LHFPL3: variants seen among roughly 807,000 people sequenced by gnomAD.
The protein encoded by LHFPL3 is LHFPL tetraspan subfamily member 3, also known as LHFPL tetraspan subfamily member 3 protein.
LHFPL3 carries 5 observed loss-of-function variants against 19.3 expected under a neutral mutation model. The ratio of observed to expected loss-of-function variants is 0.26; its 90% confidence interval spans 0.14 to 0.54. The LOEUF is 0.54. Among genes scored for constraint, LHFPL3 ranks in the 20% least tolerant of loss-of-function variants. LHFPL3 has a pLI of 0.94. For missense variants in LHFPL3, 249 were observed against 307.4 expected (o/e 0.81, Z 1.42); for synonymous variants, 133 against 126.2 (o/e 1.05, Z -0.36).
chr7:104,764,532 T>C (rs1794424411), intron 2 of LHFPL3, among the ~76,000 whole-genome samples: 1 of 152,194 alleles, frequency 6.6e-6, no homozygotes, highest in Non-Finnish European at 1.5e-5. Context: ...TTGGCATAGC[T>C]TGAGCTAGGT....
intron 1 of LHFPL3, among the ~76,000 whole-genome samples, chr7:104,455,920 T>C (rs1295533937): frequency 6.6e-6 from 1 of 151,590 alleles, no homozygotes. Flanking sequence ...ATTTTAAGTG[T>C]TTACAATGGA....
At chr7:104,623,001 T>C (rs1278950705) in intron 1 of LHFPL3, 1 of 374,496 alleles carries the variant, frequency 2.7e-6, no homozygotes, top group Non-Finnish European at 5.5e-6. Flanking sequence ...GCTCTCATTG[T>C]AATTTTTGAT....
chr7:104,467,085 TA>T (rs59243831), intron 1 of LHFPL3, among the ~76,000 whole-genome samples: 27,132 of 152,126 alleles, frequency 0.18, 2,414 homozygotes, highest in African/African-American at 0.21. Flanking sequence ...ATTTATTTTT[TA>T]CTCCTTTACT....
chr7:104,904,565 C>G (rs1218990539), intron 2 of LHFPL3, among the ~76,000 whole-genome samples: 1 of 152,130 alleles, frequency 6.6e-6, no homozygotes, highest in Admixed American at 6.5e-5. Flanking sequence ...GCAGGAGAAT[C>G]GCTTGAACCT....
chr7:104,368,459 G>A (rs188861654), intron 1 of LHFPL3, among the ~76,000 whole-genome samples: 11 of 152,266 alleles, frequency 7.2e-5, no homozygotes, highest in African/African-American at 1.2e-4. Context: ...GCAGACATCC[G>A]CTACCTGAAT....
chr7:104,763,575 C>G (rs1794410757), intron 2 of LHFPL3, among the ~76,000 whole-genome samples: 1 of 152,240 alleles, frequency 6.6e-6, no homozygotes, highest in African/African-American at 2.4e-5. Flanking sequence ...AGGCCATGCC[C>G]CACAGTTGGT....
At chr7:104,508,380 A>G (rs1338319690) in intron 1 of LHFPL3, among the ~76,000 whole-genome samples, 3 of 146,430 alleles carry the variant, frequency 2.0e-5, no homozygotes, top group African/African-American at 7.6e-5. Context: ...AACACCGCAT[A>G]TTCTCACTCA....
intron 1 of LHFPL3, among the ~76,000 whole-genome samples, chr7:104,592,252 GT>G (rs1201622397): frequency 6.6e-6 from 1 of 152,112 alleles, no homozygotes; most frequent in Non-Finnish European, 1.5e-5. Context: ...CATGTTTGTG[GT>G]TTTATCTACC....
intron 2 of LHFPL3, among the ~76,000 whole-genome samples, chr7:104,861,863 G>C (rs1424785845): frequency 6.6e-6 from 1 of 152,158 alleles, no homozygotes; most frequent in East Asian, 1.9e-4. Flanking sequence ...GACATCCAGA[G>C]GTTATTCTCT....
At chr7:104,681,570 C>T (rs929037473) in intron 1 of LHFPL3, among the ~76,000 whole-genome samples, 1 of 151,152 alleles carries the variant, frequency 6.6e-6, no homozygotes, top group Non-Finnish European at 1.5e-5. Context: ...TGCAGTGAGC[C>T]GAGATTGTGC....
chr7:104,589,658 T>A (rs546465309), intron 1 of LHFPL3, among the ~76,000 whole-genome samples: 10 of 152,322 alleles, frequency 6.6e-5, no homozygotes, highest in Non-Finnish European at 1.3e-4. Flanking sequence ...CCTCTTTTTC[T>A]ATTGATTGGA....
rs115615435 is a variant in LHFPL3, at chr7:104,466,093, G to A, written c.445+136869G>A. ...GGTCTATCAGATCCATTTGTCCAAT[G>A]TTAAGTTCAGGTCCTGAATATCTTT... On this transcript the variant is annotated intron_variant, in intron 1 of 2. Transcript: ENST00000424859. Among the ~76,000 whole-genome samples, 289 of 152,308 alleles carry A rather than the reference G, an allele frequency of 1.9e-3. 1 individual carries two copies. The highest frequency in any genetic ancestry group is 6.7e-3 in the African/African-American group (280 of 41,570).
chr7:104,576,089 G>C (rs1045525843), intron 1 of LHFPL3, among the ~76,000 whole-genome samples: 1 of 152,020 alleles, frequency 6.6e-6, no homozygotes, highest in Non-Finnish European at 1.5e-5. Context: ...AGAATAATAA[G>C]AAGAGTACAA....
chr7:104,378,110 A>G (rs1339526326), intron 1 of LHFPL3, among the ~76,000 whole-genome samples: 1 of 152,176 alleles, frequency 6.6e-6, no homozygotes, highest in Non-Finnish European at 1.5e-5. Flanking sequence ...TCATTTTTTC[A>G]ATTTTTAATT....
At chr7:104,867,276 A>C (rs900101402) in intron 2 of LHFPL3, among the ~76,000 whole-genome samples, 5 of 152,210 alleles carry the variant, frequency 3.3e-5, no homozygotes, top group African/African-American at 1.2e-4. Flanking sequence ...CAAAAAAATC[A>C]ATGAATCCAG....
intron 1 of LHFPL3, among the ~76,000 whole-genome samples, chr7:104,730,620 A>T (rs1793682351): frequency 6.6e-6 from 1 of 151,650 alleles, no homozygotes; most frequent in Non-Finnish European, 1.5e-5. Flanking sequence ...AATTTGTTTG[A>T]GTTCTTTGTA....
chr7:104,453,405 C>T (rs1409451504), intron 1 of LHFPL3, among the ~76,000 whole-genome samples: 1 of 151,952 alleles, frequency 6.6e-6, no homozygotes, highest in South Asian at 2.1e-4. Flanking sequence ...TTAGACTCAG[C>T]CTTCTACAGA....
At chr7:104,435,383 C>T (rs4730013) in intron 1 of LHFPL3, among the ~76,000 whole-genome samples, 30,804 of 151,764 alleles carry the variant, frequency 0.2, 3,562 homozygotes, top group Admixed American at 0.33. Context: ...CTCAAGTGAT[C>T]TCCTTGCCTG....
chr7:104,453,430 G>GA (rs1464455277), intron 1 of LHFPL3, among the ~76,000 whole-genome samples: 4 of 152,034 alleles, frequency 2.6e-5, no homozygotes, highest in East Asian at 3.8e-4. Context: ...GGGAGATAGG[G>GA]ACCCTATCTT....
Sources: gnomAD v4.1 joint callset for allele counts (sites outside exome capture counted in the v4.1 genomes callset) on GRCh38, gnomAD v4.1.1 for gene constraint, MANE v1.5 for transcripts, NCBI Gene and HGNC (gene_info 2026-07-23, HGNC 2026-07-21) for gene names.